Variants in CNTNAP5 observed in about 807,000 individuals in gnomAD.
CNTNAP5 encodes contactin associated protein family member 5, also known as contactin-associated protein-like 5.
CNTNAP5 carries 72 observed loss-of-function variants against 150.2 expected under a neutral mutation model. That is an observed-to-expected ratio of 0.48 (90% CI 0.40 to 0.58). The LOEUF is 0.58. Ranked by LOEUF, CNTNAP5 falls within the 20% of genes least tolerant of loss-of-function variation. CNTNAP5 has a pLI of 0.00. For missense variants in CNTNAP5, 1,636 were observed against 1,626.2 expected, an observed-to-expected ratio of 1.01 and a Z score of -0.10; for synonymous variants, 672 against 619.8, an observed-to-expected ratio of 1.08 and a Z score of -1.25.
intron 11 of CNTNAP5, among the ~76,000 whole-genome samples, chr2:124,607,680 T>C (rs1677281062): frequency 1.3e-5 from 2 of 152,148 alleles, no homozygotes; most frequent in African/African-American, 4.8e-5. Context: ...AAACCACCCA[T>C]TCTGATTCCA....
intron 11 of CNTNAP5, among the ~76,000 whole-genome samples, chr2:124,607,520 C>G (rs1677275737): frequency 6.6e-6 from 1 of 152,124 alleles, no homozygotes; most frequent in Non-Finnish European, 1.5e-5. Context: ...GTAAGTCCAG[C>G]CCACTTGGAG....
intron 1 of CNTNAP5, among the ~76,000 whole-genome samples, chr2:124,168,121 C>A (rs975780026): frequency 3.3e-5 from 5 of 152,126 alleles, no homozygotes; most frequent in African/African-American, 1.2e-4. Context: ...TATTAGTTAA[C>A]GTGATAAATG....
At chr2:124,765,784 C>T (rs1044681783) in intron 16 of CNTNAP5, among the ~76,000 whole-genome samples, 6 of 151,756 alleles carry the variant, frequency 4.0e-5, no homozygotes, top group Admixed American at 6.6e-5. Context: ...GGTGAAACCC[C>T]GTCGCCACTA....
At chr2:124,195,263 A>G (rs6749760) in intron 1 of CNTNAP5, among the ~76,000 whole-genome samples, 148,113 of 152,226 alleles carry the variant, frequency 0.97, 72,172 homozygotes, top group East Asian at 1. Flanking sequence ...CAGTTCCTGC[A>G]GAGAGCGTGC....
chr2:124,677,380 A>AG (rs1213732573), intron 13 of CNTNAP5, among the ~76,000 whole-genome samples: 3 of 152,240 alleles, frequency 2.0e-5, no homozygotes, highest in Non-Finnish European at 4.4e-5. Flanking sequence ...TTTAGTGTGA[A>AG]GAGTGAAAGA....
chr2:124,696,724 A>C (rs1679413350), intron 13 of CNTNAP5, among the ~76,000 whole-genome samples: 1 of 152,192 alleles, frequency 6.6e-6, no homozygotes, highest in African/African-American at 2.4e-5. Flanking sequence ...GAGCGTGTCA[A>C]ATAATACATG....
chr2:124,379,021 A>G (rs1690722867), intron 3 of CNTNAP5, among the ~76,000 whole-genome samples: 1 of 151,984 alleles, frequency 6.6e-6, no homozygotes, highest in Non-Finnish European at 1.5e-5. Context: ...GAGCAGTTTT[A>G]AGTTCAGAGC....
intron 3 of CNTNAP5, among the ~76,000 whole-genome samples, chr2:124,415,872 A>ATATT (rs1691905501): frequency 6.6e-6 from 1 of 152,190 alleles, no homozygotes; most frequent in Admixed American, 6.5e-5. Flanking sequence ...TTAAAAAAAT[A>ATATT]TATTAGGTGT....
chr2:124,166,453 C>T (rs894401417), intron 1 of CNTNAP5, among the ~76,000 whole-genome samples: 28 of 152,272 alleles, frequency 1.8e-4, no homozygotes, highest in African/African-American at 6.5e-4. Flanking sequence ...GGTATTGCTG[C>T]TCTCTAGCCT....
intron 4 of CNTNAP5, among the ~76,000 whole-genome samples, chr2:124,430,001 T>C (rs1692333902): frequency 6.6e-6 from 1 of 152,172 alleles, no homozygotes; most frequent in South Asian, 2.1e-4. Flanking sequence ...GCCCTTGTCC[T>C]CATGAGATGC....
intron 3 of CNTNAP5, among the ~76,000 whole-genome samples, chr2:124,385,692 GC>G (rs1470189346): frequency 6.6e-6 from 1 of 152,116 alleles, no homozygotes; most frequent in East Asian, 1.9e-4. Context: ...TTCCAGACTT[GC>G]CTGAGCCTCT....
intron 11 of CNTNAP5, among the ~76,000 whole-genome samples, chr2:124,598,321 T>C (rs13390368): frequency 0.11 from 6,307 of 58,464 alleles, 60 homozygotes; most frequent in East Asian, 0.3. Flanking sequence ...GATGGGTTTT[T>C]GGTGTGGATG....
At chr2:124,691,827 G>A (rs1462516358) in intron 13 of CNTNAP5, among the ~76,000 whole-genome samples, 1 of 152,022 alleles carries the variant, frequency 6.6e-6, no homozygotes, top group Admixed American at 6.6e-5. Flanking sequence ...CTGTGAGGAT[G>A]TCCACCAGCA....
intron 19 of CNTNAP5, among the ~76,000 whole-genome samples, chr2:124,848,514 C>G (rs949034740): frequency 1.3e-5 from 2 of 151,988 alleles, no homozygotes; most frequent in Non-Finnish European, 2.9e-5. Flanking sequence ...GGATATATAT[C>G]CAGAAGTAGG....
At position 124,425,436 on chromosome 2, in the gene CNTNAP5, T is replaced by C. The variant is rs374520760; in HGVS notation, c.529+7846T>C. Among the ~76,000 whole-genome samples the C allele has an allele frequency of 1.5e-4, 23 of 152,336 alleles. No individual in the cohort carries two copies. In the East Asian group the frequency reaches 3.9e-3, roughly 26 times the overall value. On this transcript the variant is annotated intron_variant, in intron 4 of 23. Coordinates refer to ENST00000682447, the MANE Select transcript of CNTNAP5 (RefSeq NM_001367498.1). ...GTAGAAGTCAGGAAGCAGCTTGTCA[T>C]TGCAGGATGCTGCTGCCACAACACG...
At chr2:124,154,861 A>C (rs1684486110) in intron 1 of CNTNAP5, among the ~76,000 whole-genome samples, 1 of 152,194 alleles carries the variant, frequency 6.6e-6, no homozygotes, top group African/African-American at 2.4e-5. Flanking sequence ...GCTCCAGTGC[A>C]GACCAGTTAA....
intron 3 of CNTNAP5, among the ~76,000 whole-genome samples, chr2:124,414,178 A>G (rs1327242361): frequency 6.8e-6 from 1 of 148,018 alleles, no homozygotes; most frequent in Non-Finnish European, 1.5e-5. Context: ...CACATGTTAC[A>G]TTCAACAACT....
At chr2:124,048,576 CA>C (rs1360394686) in intron 1 of CNTNAP5, among the ~76,000 whole-genome samples, 1 of 152,164 alleles carries the variant, frequency 6.6e-6, no homozygotes, top group Non-Finnish European at 1.5e-5. Context: ...AATTGTTTGC[CA>C]AATTGTTTTT....
intron 4 of CNTNAP5, among the ~76,000 whole-genome samples, chr2:124,426,746 A>T (rs1393639539): frequency 6.6e-6 from 1 of 152,186 alleles, no homozygotes; most frequent in South Asian, 2.1e-4. Context: ...AGCTACCAAC[A>T]TCCATCAAAT....
Sources: gnomAD v4.1 joint callset for allele counts (sites outside exome capture counted in the v4.1 genomes callset) on GRCh38, gnomAD v4.1.1 for gene constraint, MANE v1.5 for transcripts, NCBI Gene and HGNC (gene_info 2026-07-23, HGNC 2026-07-21) for gene names.